The following ZMYM4 variants were observed in gnomAD, a reference collection of about 807,000 sequenced individuals.
ZMYM4 encodes zinc finger MYM-type protein 4.
Under a neutral mutation model 183.2 loss-of-function variants are expected in ZMYM4, and 31 were observed. The ratio of observed to expected loss-of-function variants is 0.17; its 90% CI spans 0.13 to 0.23. The LOEUF is 0.23. ZMYM4 is among the 10% of genes least tolerant of loss of function. The pLI is 1.00. For synonymous variants in ZMYM4, 592 were observed against 631.2 expected, an observed-to-expected ratio of 0.94 and a Z score of 0.93; for missense variants, 1,273 against 1,840.3, an observed-to-expected ratio of 0.69 and a Z score of 5.64.
At chr1:35,362,744 C>A (rs776933095) in intron 5 of ZMYM4, among the ~76,000 whole-genome samples, 2 of 151,792 alleles carry the variant, frequency 1.3e-5, no homozygotes, top group African/African-American at 4.8e-5. Context: ...GCTCTCTTGC[C>A]CAGGCTGGAA....
At chr1:35,274,106 T>C (rs1639750104) in intron 1 of ZMYM4, among the ~76,000 whole-genome samples, 1 of 152,230 alleles carries the variant, frequency 6.6e-6, no homozygotes, top group Non-Finnish European at 1.5e-5. Context: ...CTTTTCTGTC[T>C]TTTTGCTAAA....
intron 2 of ZMYM4, among the ~76,000 whole-genome samples, chr1:35,329,851 A>G (rs577798663): frequency 6.6e-6 from 1 of 152,002 alleles, no homozygotes; most frequent in Non-Finnish European, 1.5e-5. Context: ...ACCACGCCCT[A>G]CCCTTTAAAA....
At chr1:35,362,066 GAT>G (rs1280989249) in intron 5 of ZMYM4, among the ~76,000 whole-genome samples, 1 of 152,220 alleles carries the variant, frequency 6.6e-6, no homozygotes, top group Non-Finnish European at 1.5e-5. Context: ...CTATACAGCA[GAT>G]ATGGTTGAAG....
In ZMYM4 at chr1:35,389,811, A is replaced by T; in HGVS notation, c.2437-137A>T. 1 of 632,910 alleles carries T rather than the reference A, an allele frequency of 1.6e-6. No homozygotes were observed. The highest frequency in any genetic ancestry group is 2.5e-6 in the Non-Finnish European group (1 of 397,724). The allele number at this position is 632,910 out of a possible 1,614,324, so 39.2% of individuals were successfully genotyped here. ...TGTGTGTGTGTGTGTGTGTGTGTAT[A>T]ATCATTGATAAAGACAAACTAATTT... On this transcript the variant is annotated intron_variant, in intron 14 of 29. Coordinates refer to ENST00000314607, the MANE Select transcript of ZMYM4 (RefSeq NM_005095.3). The surrounding 1 kb of genome is among the most constrained non-coding windows in gnomAD (Gnocchi z 4.0).
chr1:35,273,606 G>A (rs1639724099), intron 1 of ZMYM4, among the ~76,000 whole-genome samples: 2 of 152,240 alleles, frequency 1.3e-5, no homozygotes, highest in Middle Eastern at 3.4e-3. Context: ...AATTTGAGAT[G>A]TATATACCTG....
At chr1:35,271,758 T>TATTTTG (rs1639618325) in intron 1 of ZMYM4, among the ~76,000 whole-genome samples, 1 of 152,192 alleles carries the variant, frequency 6.6e-6, no homozygotes, top group Non-Finnish European at 1.5e-5. Flanking sequence ...TGTATAGGTT[T>TATTTTG]CCCCCATTAT....
chr1:35,334,581 C>G (rs2148843510), intron 2 of ZMYM4, among the ~76,000 whole-genome samples: 1 of 152,170 alleles, frequency 6.6e-6, no homozygotes, highest in South Asian at 2.1e-4. Context: ...ATCTTTTGCC[C>G]TTTAAAAAAA....
At chr1:35,372,962 A>G (rs555839793) in intron 7 of ZMYM4, among the ~76,000 whole-genome samples, 2 of 152,316 alleles carry the variant, frequency 1.3e-5, no homozygotes, top group African/African-American at 4.8e-5. Flanking sequence ...GTTCAAGACC[A>G]GCCTGGCCAA....
chr1:35,331,551 C>T (rs1271861460), intron 2 of ZMYM4, among the ~76,000 whole-genome samples: 2 of 151,830 alleles, frequency 1.3e-5, no homozygotes, highest in African/African-American at 4.8e-5. Context: ...TTTGGGAGGC[C>T]GAGGTGGGTG....
chr1:35,320,732 A>G (rs1371608980), intron 1 of ZMYM4, among the ~76,000 whole-genome samples: 2 of 152,352 alleles, frequency 1.3e-5, no homozygotes, highest in Admixed American at 1.3e-4. Flanking sequence ...TAGGACACAC[A>G]GTTGGTGTCT....
At position 35,389,748 on chromosome 1, in the gene ZMYM4, C is replaced by G. The variant is rs1644659977; in HGVS notation, c.2437-200C>G. Among the ~76,000 whole-genome samples, 1 of 139,146 alleles carries G rather than the reference C, an allele frequency of 7.2e-6. No homozygotes were observed. Among genetic ancestry groups the G allele is most frequent in the African/African-American group, 2.8e-5 (1 of 35,278 alleles). The allele number at this position is 139,146 out of a possible 152,430, so 91.3% of individuals were successfully genotyped here. A position where few individuals can be genotyped will look rare whatever the true frequency, so the allele number is the denominator to read the frequency against. On this transcript the variant is annotated intron_variant, in intron 14 of 29. Coordinates refer to ENST00000314607, the MANE Select transcript of ZMYM4 (RefSeq NM_005095.3). This position sits in a 1 kb window ranked among gnomAD's most constrained non-coding sequence, Gnocchi z 4.0. ...CCAGCCTGGGCGATAGAGCAAGGCT[C>G]TGTCTCAAAAAAAAAAAAAAATATA...
intron 1 of ZMYM4, among the ~76,000 whole-genome samples, chr1:35,317,414 C>G (rs1171793104): frequency 1.3e-5 from 2 of 152,078 alleles, no homozygotes; most frequent in African/African-American, 2.4e-5. Flanking sequence ...GCCTGGGCAA[C>G]AAGAGTGAAA....
At chr1:35,313,484 G>T (rs1204449672) in intron 1 of ZMYM4, among the ~76,000 whole-genome samples, 2 of 151,016 alleles carry the variant, frequency 1.3e-5, no homozygotes, top group African/African-American at 4.9e-5. Context: ...CACCTCCTGG[G>T]CTCAAATGAT....
chr1:35,293,227 A>T (rs575984289), intron 1 of ZMYM4, among the ~76,000 whole-genome samples: 1 of 151,996 alleles, frequency 6.6e-6, no homozygotes, highest in East Asian at 1.9e-4. Flanking sequence ...CTGGTCTCAA[A>T]GTCCTGGGCT....
At position 35,270,347 on chromosome 1, in the gene ZMYM4, G is replaced by C. The variant is rs1291728460; in HGVS notation, c.39+1262G>C. ...AAAGCTTAAATTGTAAATGACCAAA[G>C]AAGTGTCAAGTATTATTTTTTCCAA... On this transcript the variant is annotated intron_variant, in intron 1 of 29. Coordinates refer to ENST00000314607, the MANE Select transcript of ZMYM4 (RefSeq NM_005095.3). 2.6e-5 allele frequency among the ~76,000 whole-genome samples: 4 copies of C among 152,166 alleles called. No homozygotes were observed. The South Asian group carries it at 8.3e-4, about 32-fold the overall frequency.
intron 1 of ZMYM4, chr1:35,309,123 T>G (rs1016972125): frequency 3.7e-4 from 294 of 789,748 alleles, no homozygotes; most frequent in Non-Finnish European, 4.3e-4. Context: ...CCAACCTCAT[T>G]GAATCTGAGA....
intron 2 of ZMYM4, among the ~76,000 whole-genome samples, chr1:35,352,386 GCACACACACACACACACA>G (rs374281470): frequency 7.8e-6 from 1 of 128,394 alleles, no homozygotes; most frequent in East Asian, 2.3e-4. Context: ...AAAAATTAGC[GCACACACACACACACACA>G]CACACACACA....
chr1:35,322,071 C>T (rs12037673), intron 1 of ZMYM4, among the ~76,000 whole-genome samples: 4,587 of 152,018 alleles, frequency 0.03, 243 homozygotes, highest in East Asian at 0.25. Flanking sequence ...CCAAGATATA[C>T]TATTGGGTTT....
chr1:35,397,425 G>A lies in ZMYM4; in HGVS notation c.3079G>A (p.Val1027Ile). ...ATCTTCAATGGATAGTGAAGATAAAGTCACAGAGAGTATTGAAGACATTAA... is the reference window on the plus strand; with the variant it reads ...ATCTTCAATGGATAGTGAAGATAAAATCACAGAGAGTATTGAAGACATTAA... ...IPSSMDSEDKVTESIEDIKEK... is the reference protein window; with the variant it reads ...IPSSMDSEDKITESIEDIKEK... Residue 1027 changes from valine to isoleucine, a missense_variant, in exon 20 of 30, where the codon GTC becomes ATC. By Grantham distance (29) the Val-to-Ile change is conservative (BLOSUM62 3). Coordinates refer to ENST00000314607, the MANE Select transcript of ZMYM4 (RefSeq NM_005095.3). The A allele has an allele frequency of 1.9e-6, 3 of 1,612,834 alleles. No individual in the cohort carries two copies. The highest frequency in any genetic ancestry group is 1.1e-5 in the South Asian group (1 of 90,756).
Sources: allele counts gnomAD v4.1 joint callset (sites outside exome capture counted in the v4.1 genomes callset), GRCh38; gene constraint gnomAD v4.1.1; non-coding constraint Gnocchi (gnomAD v3.1); transcripts MANE v1.5; gene names NCBI Gene and HGNC (gene_info 2026-07-23, HGNC 2026-07-21).